KCNQ5: variants seen among roughly 807,000 people sequenced by gnomAD.
KCNQ5 encodes potassium voltage-gated channel subfamily KQT member 5.
A neutral mutation model predicts 98.2 loss-of-function variants in KCNQ5; 30 were observed. The observed-to-expected ratio is 0.31, with a 90% confidence interval of 0.23 to 0.41. The LOEUF is 0.41. Among genes scored for constraint, KCNQ5 ranks in the 10% least tolerant of loss-of-function variants. The pLI is 1.00. For missense variants in KCNQ5, 835 were observed against 1,182.5 expected (o/e 0.71, Z 4.31); for synonymous variants, 458 against 449.4 (o/e 1.02, Z -0.24).
rs113840241 is a variant in KCNQ5 at position 72,923,037 on chromosome 6, C to G, written c.399-80871C>G. ...ATGTTGGCCAAGCTGGTCTCAAACT[C>G]CTGACCTCAAGCAATCCACCTGCCT... On this transcript the variant is annotated intron_variant, in intron 1 of 13. Coordinates refer to ENST00000370398, the MANE Select transcript of KCNQ5 (RefSeq NM_019842.4). Among the ~76,000 whole-genome samples, 153 of 152,134 alleles carry G rather than the reference C, an allele frequency of 1.0e-3. 1 individual carries two copies. The highest frequency in any genetic ancestry group is 3.3e-3 in the African/African-American group (138 of 41,524).
chr6:73,004,009 C>G lies in KCNQ5; in HGVS notation c.489+11C>G. On this transcript the variant is annotated intron_variant, in intron 2 of 13. Transcript: ENST00000370398. ...TGCCTCTTGATCCTGGTAAGTGAAA[C>G]ATGAACAAGAACGTACATGAATGTT... is the stretch of plus-strand genomic sequence containing the variant. 1 of 1,508,376 alleles carries G rather than the reference C, an allele frequency of 6.6e-7. No homozygotes were observed. The allele number at this position is 1,508,376 out of a possible 1,614,324, so 93.4% of individuals were successfully genotyped here. A position where few individuals can be genotyped will look rare whatever the true frequency, so the allele number is the denominator to read the frequency against.
intron 1 of KCNQ5, among the ~76,000 whole-genome samples, chr6:72,870,106 A>C (rs1198632019): frequency 6.6e-6 from 1 of 152,162 alleles, no homozygotes; most frequent in East Asian, 1.9e-4. Context: ...CTGTTTGACT[A>C]TTATTTAAAA....
At chr6:73,144,262 C>A (rs915998164) in intron 10 of KCNQ5, among the ~76,000 whole-genome samples, 1 of 152,160 alleles carries the variant, frequency 6.6e-6, no homozygotes, top group Non-Finnish European at 1.5e-5. Flanking sequence ...TTATTTTCAA[C>A]ATCTAATTTG....
intron 1 of KCNQ5, among the ~76,000 whole-genome samples, chr6:72,917,332 A>G (rs563776652): frequency 6.6e-6 from 1 of 152,280 alleles, no homozygotes; most frequent in East Asian, 1.9e-4. Context: ...TGTGAATGTA[A>G]TAACACTGTA....
chr6:72,665,259 A>T (rs1167392714), intron 1 of KCNQ5, among the ~76,000 whole-genome samples: 2 of 151,282 alleles, frequency 1.3e-5, no homozygotes. Flanking sequence ...GAGGCAAGAA[A>T]ATCACTTGAA....
At chr6:73,074,830 C>T (rs1464063287) in intron 3 of KCNQ5, among the ~76,000 whole-genome samples, 4 of 151,280 alleles carry the variant, frequency 2.6e-5, no homozygotes, top group Non-Finnish European at 5.9e-5. Context: ...ATTTTCTGCA[C>T]CCCTACTAGC....
intron 10 of KCNQ5, among the ~76,000 whole-genome samples, chr6:73,157,142 G>A (rs1777393891): frequency 6.6e-6 from 1 of 152,190 alleles, no homozygotes; most frequent in African/African-American, 2.4e-5. Context: ...GTCTTCATTC[G>A]TGCCAGGAAA....
intron 5 of KCNQ5, among the ~76,000 whole-genome samples, chr6:73,102,555 T>C (rs1774828922): frequency 6.6e-6 from 1 of 151,930 alleles, no homozygotes; most frequent in African/African-American, 2.4e-5. Context: ...AAAAATAAAA[T>C]AATCCAATTT....
chr6:72,866,743 C>G (rs1778003302), intron 1 of KCNQ5, among the ~76,000 whole-genome samples: 1 of 152,166 alleles, frequency 6.6e-6, no homozygotes, highest in Non-Finnish European at 1.5e-5. Context: ...AATTTAAAAG[C>G]ATGAAAACAG....
At chr6:73,007,143 C>T (rs1448763836) in intron 2 of KCNQ5, among the ~76,000 whole-genome samples, 1 of 152,200 alleles carries the variant, frequency 6.6e-6, no homozygotes, top group African/African-American at 2.4e-5. Context: ...CTCTTGTAAA[C>T]TTGTAACTTC....
At chr6:73,059,395 C>G (rs571199313) in intron 3 of KCNQ5, among the ~76,000 whole-genome samples, 1 of 152,038 alleles carries the variant, frequency 6.6e-6, no homozygotes, top group Non-Finnish European at 1.5e-5. Context: ...GAACAACAGA[C>G]GCGTAAGCCT....
intron 1 of KCNQ5, among the ~76,000 whole-genome samples, chr6:72,830,615 T>C (rs1776214777): frequency 6.6e-6 from 1 of 152,040 alleles, no homozygotes; most frequent in African/African-American, 2.4e-5. Flanking sequence ...ATGTTAGACC[T>C]AAAAACCATA....
chr6:73,171,627 C>G lies in KCNQ5; in HGVS notation c.1577+1773C>G, dbSNP rs191057561. ...ATCAGTCGCACCATTCATATTTCAA[C>G]TGTTCGATAGCCACAGGTGGCCAGT... On this transcript the variant is annotated intron_variant, in intron 11 of 13. Transcript: ENST00000370398. Among the ~76,000 whole-genome samples, 414 of 152,310 alleles carry G rather than the reference C, an allele frequency of 2.7e-3. 2 individuals are homozygous for G. Among genetic ancestry groups the G allele is most frequent in the Non-Finnish European group, 2.7e-3 (186 of 68,022 alleles).
chr6:72,846,088 T>C (rs1777005039), intron 1 of KCNQ5, among the ~76,000 whole-genome samples: 1 of 152,138 alleles, frequency 6.6e-6, no homozygotes, highest in African/African-American at 2.4e-5. Flanking sequence ...TGTTAATGGG[T>C]GAACGATTGT....
In KCNQ5 at chr6:73,190,680, G is replaced by A. The variant is rs777075623; in HGVS notation, c.1685G>A (p.Cys562Tyr). 8.8e-6 allele frequency: 14 copies of A among 1,588,704 alleles called. No homozygotes were observed. The highest frequency in any genetic ancestry group is 1.1e-5 in the Non-Finnish European group (13 of 1,165,782). ...TCTGCTGGTCATCTGGACATGTTGT[G>A]TAGAATTAAAAGCCTTCAAACACGG... ...QYSAGHLDMLCRIKSLQTRVD... is the reference protein window; with the variant it reads ...QYSAGHLDMLYRIKSLQTRVD... The change falls in exon 12 of 14, where the codon TGT becomes TAT. Residue 562 changes from cysteine (C) to tyrosine (Y), a missense_variant. Cys to Tyr is a radical substitution (Grantham distance 194). This residue lies in a region of KCNQ5 where 146 missense variants were observed against 256.7 expected (regional missense o/e 0.57). Transcript: ENST00000370398.
intron 5 of KCNQ5, among the ~76,000 whole-genome samples, chr6:73,101,111 G>A (rs6933361): frequency 0.74 from 111,828 of 152,146 alleles, 45,959 homozygotes; most frequent in South Asian, 0.94. Context: ...AGTAGAGGAG[G>A]AACAAATACT....
intron 1 of KCNQ5, among the ~76,000 whole-genome samples, chr6:72,689,455 A>G (rs191246638): frequency 1.3e-5 from 2 of 152,360 alleles, no homozygotes; most frequent in African/African-American, 4.8e-5. Context: ...CAGAAAAATT[A>G]AGGAGCATCT....
At chr6:72,987,664 G>C in intron 1 of KCNQ5, 1 of 614,632 alleles carries the variant, frequency 1.6e-6, no homozygotes, top group Non-Finnish European at 2.9e-6. Flanking sequence ...GTACAGCCGC[G>C]GAGCCCGTCT....
At chr6:72,962,122 G>C (rs1265939887) in intron 1 of KCNQ5, among the ~76,000 whole-genome samples, 3 of 150,680 alleles carry the variant, frequency 2.0e-5, no homozygotes, top group African/African-American at 7.3e-5. Context: ...AGTTTGCAGC[G>C]AGCCAAGATC....
Sources: allele counts gnomAD v4.1 joint callset (sites outside exome capture counted in the v4.1 genomes callset), GRCh38; gene constraint gnomAD v4.1.1; regional missense constraint gnomAD v4.1.1; transcripts MANE v1.5; gene names NCBI Gene and HGNC (gene_info 2026-07-23, HGNC 2026-07-21).